Variants in ZAP70 observed in about 807,000 individuals in gnomAD.
ZAP70 encodes zeta chain of T cell receptor associated protein kinase 70.
Under a neutral mutation model 65.8 loss-of-function variants are expected in ZAP70, and 27 were observed. The ratio of observed to expected loss-of-function variants is 0.41; its 90% CI spans 0.30 to 0.57. The LOEUF is 0.57. Among genes scored for constraint, ZAP70 ranks in the 20% least tolerant of loss-of-function variants. ZAP70 has a pLI of 0.28. For missense variants in ZAP70, 696 were observed against 870.5 expected, an observed-to-expected ratio of 0.80 and a Z score of 2.52; for synonymous variants, 363 against 360.8, an observed-to-expected ratio of 1.01 and a Z score of -0.07.
At chr2:97,727,085 C>T (rs774839266) in intron 4 of ZAP70, among the ~76,000 whole-genome samples, 4 of 152,212 alleles carry the variant, frequency 2.6e-5, no homozygotes, top group Admixed American at 1.3e-4. Flanking sequence ...CTAGCTGAAG[C>T]TTGTTTGTGT....
At chr2:97,732,734 G>A (rs1313903197) in intron 4 of ZAP70, 149 bp from the exon 5 acceptor site, 1 of 1,149,590 alleles carries the variant, frequency 8.7e-7, no homozygotes, top group African/African-American at 1.5e-5. Flanking sequence ...TGGAGGTGAT[G>A]GGGGCCTGGC....
the ZAP70 span, among the ~76,000 whole-genome samples, chr2:97,753,666 C>G: frequency 6.6e-6 from 1 of 152,004 alleles, no homozygotes; most frequent in South Asian, 2.1e-4. Context: ...TTTGTTTATA[C>G]GTATTTATAT....
chr2:97,714,598 G>C (rs1370184277), intron 2 of ZAP70, among the ~76,000 whole-genome samples: 1 of 152,228 alleles, frequency 6.6e-6, no homozygotes, highest in East Asian at 1.9e-4. Context: ...GTTCCTGACT[G>C]TTGGCGAGAG....
intron 4 of ZAP70, among the ~76,000 whole-genome samples, chr2:97,732,174 T>C (rs764818724): frequency 6.6e-6 from 1 of 152,204 alleles, no homozygotes; most frequent in Non-Finnish European, 1.5e-5. Flanking sequence ...GGAAGATTTA[T>C]ATATTTATAT....
At chr2:97,743,398 C>T (rs774193337), downstream of ZAP70, among the ~76,000 whole-genome samples, 6 of 152,212 alleles carry the variant, frequency 3.9e-5, no homozygotes, top group South Asian at 2.1e-4. Context: ...TGCAATGGCG[C>T]GATCTTGGCT....
At position 97,721,732 on chromosome 2, in the gene ZAP70, A is replaced by G. The variant is rs138243211; in HGVS notation, c.-21-2284A>G. Among the ~76,000 whole-genome samples the G allele has an allele frequency of 6.0e-5, 9 of 149,078 alleles. No homozygotes were observed. In the East Asian group the frequency reaches 1.8e-3, roughly 30 times the overall value. The stretch of plus-strand genomic sequence containing the variant: ...AGGCGTGAGCCACCGCAGCCGGCCA[A>G]TCTTTTTCATGTTCTATTTGGTGGT... On this transcript the variant is annotated intron_variant, in intron 2 of 13. Transcript: ENST00000264972.
the ZAP70 span, among the ~76,000 whole-genome samples, chr2:97,756,117 C>CAA: frequency 1.3e-5 from 2 of 152,084 alleles, no homozygotes; most frequent in African/African-American, 4.8e-5. Flanking sequence ...TGGATGAATC[C>CAA]AAACAGGCTT....
intron 4 of ZAP70, 132 bp from the exon 5 acceptor site, chr2:97,732,751 T>C (rs1228704984): frequency 9.5e-6 from 13 of 1,364,876 alleles, no homozygotes; most frequent in African/African-American, 1.4e-5. Flanking sequence ...TGGCCTGGCT[T>C]CCCCAGTCCC....
chr2:97,734,465 C>T, intron 8 of ZAP70, 55 bp from the exon 9 acceptor site: 1 of 1,555,960 alleles, frequency 6.4e-7, no homozygotes, highest in Non-Finnish European at 8.7e-7. Context: ...CTGAGGCTGC[C>T]TTGCTCCCCA....
the ZAP70 span, among the ~76,000 whole-genome samples, chr2:97,756,125 C>CT: frequency 6.6e-6 from 1 of 152,064 alleles, no homozygotes; most frequent in Non-Finnish European, 1.5e-5. Context: ...TCCAAACAGG[C>CT]TTTCAAGTTG....
Position 97,724,917 on chromosome 2 carries a change from G to A in ZAP70, c.403-175G>A, listed in dbSNP as rs571367067. ...AGGTGGGGGTGGTTCCTCCCTAGCTGGATTGGGGAGGGGACCACGGAGATG... is the reference window on the plus strand; with the variant it reads ...AGGTGGGGGTGGTTCCTCCCTAGCTAGATTGGGGAGGGGACCACGGAGATG... On this transcript the variant is annotated intron_variant, in intron 3 of 13. Transcript: ENST00000264972. 13 of 1,533,930 alleles carry A rather than the reference G, an allele frequency of 8.5e-6. No individual in the cohort carries two copies. The African/African-American group carries it at 1.8e-4, about 21-fold the overall frequency.
chr2:97,730,357 C>T (rs1215727775), intron 4 of ZAP70, among the ~76,000 whole-genome samples: 1 of 152,188 alleles, frequency 6.6e-6, no homozygotes, highest in Non-Finnish European at 1.5e-5. Context: ...ACTCATGTGG[C>T]CACAGCCAGC....
At chr2:97,746,242 T>C in the ZAP70 span, among the ~76,000 whole-genome samples, 5 of 152,122 alleles carry the variant, frequency 3.3e-5, no homozygotes, top group Non-Finnish European at 7.4e-5. Context: ...CGGAAATAGA[T>C]AGGGGTGATG....
In ZAP70 at chr2:97,732,996, G is replaced by A. The variant is rs1331433365; in HGVS notation, c.677G>A (p.Gly226Asp). ...DKAGKYCIPE[G>D]TKFDTLWQLV... ...GCGGGCAAGTACTGCATTCCCGAGGGCACCAAGTTTGACACGCTCTGGCAG... is the reference window on the plus strand; with the variant it reads ...GCGGGCAAGTACTGCATTCCCGAGGACACCAAGTTTGACACGCTCTGGCAG... Residue 226 changes from glycine to aspartate, a missense_variant, in exon 5 of 14, where the codon GGC becomes GAC. Gly to Asp is a moderately conservative substitution (Grantham distance 94, BLOSUM62 -1). This residue lies in a region of ZAP70 where 551 missense variants were observed against 630.0 expected (regional missense o/e 0.87). Transcript: ENST00000264972. The A allele has an allele frequency of 6.2e-7, 1 of 1,614,128 alleles. No homozygotes were observed. Among genetic ancestry groups the A allele is most frequent in the Non-Finnish European group, 8.5e-7 (1 of 1,180,038 alleles).
intron 8 of ZAP70, 150 bp from the exon 9 acceptor site, chr2:97,734,370 G>C: frequency 6.9e-7 from 1 of 1,440,300 alleles, no homozygotes; most frequent in Non-Finnish European, 9.1e-7. Context: ...TGTGCGTGTG[G>C]ATGTGCAGGA....
Position 97,731,911 on chromosome 2 carries a change from C to T in ZAP70, c.564-972C>T, listed in dbSNP as rs1268661291. On this transcript the variant is annotated intron_variant, in intron 4 of 13. Coordinates refer to ENST00000264972, the MANE Select transcript of ZAP70 (RefSeq NM_001079.4). The surrounding 1 kb of genome is among the most constrained non-coding windows in gnomAD (Gnocchi z 4.0). ...TCCACAGCTTCCACGGGGCCAGCTG[C>T]CCTCCCTCCTCACTGTAAAGCTACA... Among the ~76,000 whole-genome samples, 2 of 152,182 alleles carry T rather than the reference C, an allele frequency of 1.3e-5. No homozygotes were observed. The highest frequency in any genetic ancestry group is 4.8e-5 in the African/African-American group (2 of 41,434).
the ZAP70 span, among the ~76,000 whole-genome samples, chr2:97,747,906 G>T: frequency 6.8e-6 from 1 of 146,608 alleles, no homozygotes; most frequent in African/African-American, 2.6e-5. Context: ...TAGTGTGGAA[G>T]GCTGTGGGCA....
chr2:97,728,906 C>G (rs954983963), intron 4 of ZAP70, among the ~76,000 whole-genome samples: 1 of 152,226 alleles, frequency 6.6e-6, no homozygotes, highest in Non-Finnish European at 1.5e-5. Context: ...GCGTGCACCA[C>G]CACGCTTGGC....
the ZAP70 span, among the ~76,000 whole-genome samples, chr2:97,753,350 A>G: frequency 1.3e-5 from 2 of 152,208 alleles, no homozygotes; most frequent in African/African-American, 2.4e-5. Flanking sequence ...AGTCTTTTCA[A>G]TTGGAAAGAA....
Sources: gnomAD v4.1 joint callset for allele counts (sites outside exome capture counted in the v4.1 genomes callset) on GRCh38, gnomAD v4.1.1 for gene constraint, gnomAD v4.1.1 regional missense constraint, Gnocchi (gnomAD v3.1) non-coding constraint, MANE v1.5 for transcripts, NCBI Gene and HGNC (gene_info 2026-07-23, HGNC 2026-07-21) for gene names.